Variants in AUTS2 observed in about 807,000 individuals in gnomAD.
AUTS2 encodes the protein autism susceptibility gene 2 protein.
A neutral mutation model predicts 112.4 loss-of-function variants in AUTS2; 17 were observed. The ratio of observed to expected loss-of-function variants is 0.15; its 90% CI spans 0.10 to 0.23. The LOEUF is 0.23. AUTS2 is among the 10% of genes least tolerant of loss of function. The pLI is 1.00. For missense variants in AUTS2, 1,510 were observed against 1,701.6 expected (o/e 0.89, Z 1.98); for synonymous variants, 751 against 702.7 (o/e 1.07, Z -1.09).
At chr7:70,591,741 C>T (rs558012992) in intron 5 of AUTS2, among the ~76,000 whole-genome samples, 1 of 152,304 alleles carries the variant, frequency 6.6e-6, no homozygotes, top group African/African-American at 2.4e-5. Context: ...TTTATGCTCC[C>T]CCCACCTGCA....
Position 70,232,640 on chromosome 7 carries a change from A to G in AUTS2, c.660+98069A>G, listed in dbSNP as rs140098042. 7.0e-3 allele frequency among the ~76,000 whole-genome samples: 1,067 copies of G among 152,190 alleles called. 10 individuals are homozygous for G. Among genetic ancestry groups the G allele is most frequent in the South Asian group, 0.019 (91 of 4,816 alleles). Reference sequence around the variant, plus strand: ...GTGATCCGCTTGCCTCGGCCTCTCAAAGTGTTGAGGATTACAGGTGTGAGC... The same window carrying G: ...GTGATCCGCTTGCCTCGGCCTCTCAGAGTGTTGAGGATTACAGGTGTGAGC... On this transcript the variant is annotated intron_variant, in intron 4 of 18. Coordinates refer to ENST00000342771, the MANE Select transcript of AUTS2 (RefSeq NM_015570.4).
At chr7:70,744,283 T>A (rs565461846) in intron 6 of AUTS2, among the ~76,000 whole-genome samples, 33 of 152,292 alleles carry the variant, frequency 2.2e-4, no homozygotes, top group Admixed American at 7.8e-4. Flanking sequence ...GTGAGTGACA[T>A]GAGGCCATTT....
chr7:69,980,336 C>T (rs11978431), intron 2 of AUTS2, among the ~76,000 whole-genome samples: 54,966 of 151,996 alleles, frequency 0.36, 10,539 homozygotes, highest in African/African-American at 0.49. Flanking sequence ...CAAGACAGTA[C>T]AGAAAGAGTT....
At chr7:69,800,162 T>G (rs894393001) in intron 1 of AUTS2, among the ~76,000 whole-genome samples, 1 of 152,200 alleles carries the variant, frequency 6.6e-6, no homozygotes, top group Admixed American at 6.5e-5. Flanking sequence ...TTTCTGACTA[T>G]TCACTCCAGG....
intron 2 of AUTS2, among the ~76,000 whole-genome samples, chr7:70,001,513 T>G (rs1261621960): frequency 6.6e-6 from 1 of 151,920 alleles, no homozygotes; most frequent in Non-Finnish European, 1.5e-5. Flanking sequence ...TGATACAGAA[T>G]GCAGGATTCA....
intron 4 of AUTS2, among the ~76,000 whole-genome samples, chr7:70,285,769 C>G (rs1788430532): frequency 6.6e-6 from 1 of 152,162 alleles, no homozygotes; most frequent in South Asian, 2.1e-4. Context: ...CACATGTATT[C>G]ATTCATCAAA....
At chr7:69,791,989 T>G (rs1025125773) in intron 1 of AUTS2, among the ~76,000 whole-genome samples, 9 of 151,904 alleles carry the variant, frequency 5.9e-5, no homozygotes, top group East Asian at 1.9e-4. Context: ...GGGGAAGGTG[T>G]TGGTGGTGGC....
intron 4 of AUTS2, among the ~76,000 whole-genome samples, chr7:70,350,523 T>G (rs1219181116): frequency 6.6e-6 from 1 of 152,074 alleles, no homozygotes; most frequent in Non-Finnish European, 1.5e-5. Flanking sequence ...GTGCAGAGTT[T>G]ATAAAACCAT....
At chr7:70,775,793 A>T (rs1790648828) in intron 13 of AUTS2, among the ~76,000 whole-genome samples, 1 of 152,178 alleles carries the variant, frequency 6.6e-6, no homozygotes, top group South Asian at 2.1e-4. Flanking sequence ...TTGACTTGCC[A>T]TAGCCGTTTG....
intron 2 of AUTS2, among the ~76,000 whole-genome samples, chr7:69,952,009 A>T (rs965930457): frequency 6.6e-6 from 1 of 152,118 alleles, no homozygotes; most frequent in African/African-American, 2.4e-5. Flanking sequence ...CGATTTACCT[A>T]AAGAGAAAGT....
intron 2 of AUTS2, among the ~76,000 whole-genome samples, chr7:69,910,979 G>A (rs1457460503): frequency 6.6e-6 from 1 of 152,178 alleles, no homozygotes; most frequent in African/African-American, 2.4e-5. Flanking sequence ...TCATTATCAC[G>A]AGAACAGCAT....
intron 4 of AUTS2, among the ~76,000 whole-genome samples, chr7:70,345,370 A>C (rs1396482470): frequency 6.6e-6 from 1 of 152,164 alleles, no homozygotes; most frequent in Non-Finnish European, 1.5e-5. Context: ...TTATAAGTTA[A>C]CTTTCATTCC....
intron 5 of AUTS2, among the ~76,000 whole-genome samples, chr7:70,488,637 T>C (rs1160565727): frequency 7.9e-5 from 12 of 152,080 alleles, no homozygotes; most frequent in Admixed American, 7.9e-4. Context: ...TGGATCTCAC[T>C]TTTCCTCATG....
intron 5 of AUTS2, among the ~76,000 whole-genome samples, chr7:70,562,236 C>A (rs1032135345): frequency 1.3e-5 from 2 of 152,222 alleles, no homozygotes; most frequent in Non-Finnish European, 2.9e-5. Context: ...TGGACAAATA[C>A]ACATGGGTGC....
intron 1 of AUTS2, among the ~76,000 whole-genome samples, chr7:69,873,338 G>A (rs915635773): frequency 6.6e-6 from 1 of 151,694 alleles, no homozygotes; most frequent in Non-Finnish European, 1.5e-5. Context: ...GTGGTTCTCA[G>A]CCCTTATTGG....
chr7:70,290,316 G>A lies in AUTS2; in HGVS notation c.661-145436G>A, dbSNP rs1018342342. On this transcript the variant is annotated intron_variant, in intron 4 of 18. Transcript: ENST00000342771. Reference sequence around the variant, plus strand: ...ACATTTAGCACAGTATTATATCAGAGGGCATTTAACATTCTTTTGAATCAT... The same window carrying A: ...ACATTTAGCACAGTATTATATCAGAAGGCATTTAACATTCTTTTGAATCAT... 44 of 1,438,220 alleles carry A rather than the reference G, an allele frequency of 3.1e-5. No homozygotes were observed. The African/African-American group carries it at 6.4e-4, about 21-fold the overall frequency. The allele number at this position is 1,438,220 out of a possible 1,614,324, so 89.1% of individuals were successfully genotyped here.
intron 1 of AUTS2, among the ~76,000 whole-genome samples, chr7:69,894,802 G>A (rs1562955233): frequency 6.6e-6 from 1 of 152,034 alleles, no homozygotes. Context: ...TTTTGGGGTG[G>A]CGTGTTCTGC....
intron 4 of AUTS2, among the ~76,000 whole-genome samples, chr7:70,178,231 C>T (rs1188606899): frequency 6.6e-6 from 1 of 152,076 alleles, no homozygotes; most frequent in Non-Finnish European, 1.5e-5. Context: ...TGCCATTAGC[C>T]ACTTGTACAG....
rs370966756 is a variant in AUTS2 at position 69,894,252 on chromosome 7, G to GTTTTTTTTT, written c.310-5016_310-5008dup. On this transcript the variant is annotated intron_variant, in intron 1 of 18. Coordinates refer to ENST00000342771, the MANE Select transcript of AUTS2 (RefSeq NM_015570.4). ...GACTGTCAAATGAATGCCTTAAAGCGTTTTTTTTTTTTTTTTTTTTTTTTT... is the reference window on the plus strand; with the variant it reads ...GACTGTCAAATGAATGCCTTAAAGCGTTTTTTTTTTTTTTTTTTTTTTTTTTTTTTTTTT... 2.2e-3 allele frequency among the ~76,000 whole-genome samples: 82 copies of GTTTTTTTTT among 36,684 alleles called. 7 individuals are homozygous for GTTTTTTTTT. Among genetic ancestry groups the GTTTTTTTTT allele is most frequent in the African/African-American group, 1.0e-2 (75 of 7,526 alleles). 24.1% of individuals were successfully genotyped at this position (36,684 alleles called of 152,430 possible). A position where few individuals can be genotyped will look rare whatever the true frequency, so the allele number is the denominator to read the frequency against.
Sources: gnomAD v4.1 joint callset for allele counts (sites outside exome capture counted in the v4.1 genomes callset) on GRCh38, gnomAD v4.1.1 for gene constraint, MANE v1.5 for transcripts, NCBI Gene and HGNC (gene_info 2026-07-23, HGNC 2026-07-21) for gene names.